The following DNAJB6 variants were observed in gnomAD, a reference collection of about 807,000 sequenced individuals.
The protein encoded by DNAJB6 is DnaJ heat shock protein family (Hsp40) member B6.
Under a neutral mutation model 42.7 loss-of-function variants are expected in DNAJB6, and 16 were observed. That is an observed-to-expected ratio of 0.37 (90% CI 0.25 to 0.57). DNAJB6 has a LOEUF of 0.57. Ranked by LOEUF, DNAJB6 falls within the 20% of genes least tolerant of loss-of-function variation. DNAJB6 has a pLI of 0.74. For synonymous variants in DNAJB6, 170 were observed against 163.5 expected (o/e 1.04, Z -0.30); for missense variants, 347 against 416.8 (o/e 0.83, Z 1.46).
chr7:157,406,545 G>A (rs919586667), intron 8 of DNAJB6, among the ~76,000 whole-genome samples: 4 of 152,208 alleles, frequency 2.6e-5, no homozygotes, highest in African/African-American at 9.6e-5. Flanking sequence ...GGGTGTTGCC[G>A]GGACCTGGCC....
intron 1 of DNAJB6, among the ~76,000 whole-genome samples, chr7:157,339,511 A>T (rs1798233550): frequency 6.6e-6 from 1 of 151,444 alleles, no homozygotes; most frequent in Non-Finnish European, 1.5e-5. Context: ...CGTGTTAGCC[A>T]GGATGGTCTT....
chr7:157,365,721 A>G (rs111769642), intron 3 of DNAJB6, among the ~76,000 whole-genome samples: 216 of 152,274 alleles, frequency 1.4e-3, no homozygotes, highest in Middle Eastern at 3.4e-3. Flanking sequence ...CTTGAGTGCA[A>G]TGGTGCAATC....
chr7:157,386,685 C>A (rs1457934041), intron 8 of DNAJB6, among the ~76,000 whole-genome samples: 1 of 152,032 alleles, frequency 6.6e-6, no homozygotes, highest in Non-Finnish European at 1.5e-5. Context: ...GAGTTTGAGA[C>A]CAGCCTGACC....
intron 9 of DNAJB6, chr7:157,414,399 C>T (rs1008836158): frequency 1.3e-5 from 2 of 152,426 alleles, no homozygotes; most frequent in Middle Eastern, 3.4e-3. Context: ...GCATGCTCCT[C>T]GGGACGGAGA....
At chr7:157,393,545 A>ACCTC (rs1801446867) in intron 8 of DNAJB6, among the ~76,000 whole-genome samples, 1 of 152,080 alleles carries the variant, frequency 6.6e-6, no homozygotes, top group African/African-American at 2.4e-5. Flanking sequence ...AGAGAGGGTG[A>ACCTC]AGCTCCCGGC....
chr7:157,365,488 C>A (rs1799798524), intron 3 of DNAJB6, among the ~76,000 whole-genome samples: 1 of 152,178 alleles, frequency 6.6e-6, no homozygotes, highest in African/African-American at 2.4e-5. Flanking sequence ...TCCCACTTGC[C>A]TAGGCCCTGG....
intron 8 of DNAJB6, among the ~76,000 whole-genome samples, chr7:157,394,331 C>T (rs1801485161): frequency 6.6e-6 from 1 of 152,132 alleles, no homozygotes; most frequent in African/African-American, 2.4e-5. Context: ...GGATTTTTTT[C>T]TATCTTGCTT....
At chr7:157,340,998 G>GTGTGCGCGCGCGCGCGCT (rs67210462) in intron 1 of DNAJB6, among the ~76,000 whole-genome samples, 91 of 135,036 alleles carry the variant, frequency 6.7e-4, no homozygotes, top group African/African-American at 2.0e-3. Flanking sequence ...GTGTGTGTGT[G>GTGTGCGCGCGCGCGCGCT]CGCGCGCGCA....
intron 1 of DNAJB6, among the ~76,000 whole-genome samples, chr7:157,351,461 C>T (rs147255529): frequency 6.6e-6 from 1 of 151,494 alleles, no homozygotes; most frequent in African/African-American, 2.4e-5. Flanking sequence ...AACCCTGTCT[C>T]TACTAAAAAT....
chr7:157,416,215 C>T lies in DNAJB6; in HGVS notation c.*117C>T, dbSNP rs764933589. ...GTCAGGACTGTCTCGAGGCCACACT[C>T]GCTCGGCAGGATTATGCGATCACGG... On this transcript the variant is annotated 3_prime_UTR_variant, in exon 10 of 10. Coordinates refer to ENST00000262177, the MANE Select transcript of DNAJB6 (RefSeq NM_058246.4). 3.4e-5 allele frequency: 50 copies of T among 1,470,130 alleles called. No homozygotes were observed. In the African/African-American group the frequency reaches 5.0e-4, roughly 15 times the overall value. The allele number at this position is 1,470,130 out of a possible 1,614,324, so 91.1% of individuals were successfully genotyped here. A position where few individuals can be genotyped will look rare whatever the true frequency, so the allele number is the denominator to read the frequency against.
chr7:157,344,440 G>A (rs1475627032), intron 1 of DNAJB6, among the ~76,000 whole-genome samples: 1 of 151,760 alleles, frequency 6.6e-6, no homozygotes, highest in African/African-American at 2.4e-5. Context: ...TGGAACCAGG[G>A]AGGTGGAGGT....
rs1158109344 is a variant in DNAJB6 at position 157,340,127 on chromosome 7, A to G, written c.-27+2983A>G. 4 of 152,232 alleles carry G rather than the reference A, an allele frequency of 2.6e-5. No individual in the cohort carries two copies. The East Asian group carries it at 7.7e-4, about 29-fold the overall frequency. 9.4% of individuals were successfully genotyped at this position (152,232 alleles called of 1,614,324 possible). On this transcript the variant is annotated intron_variant, in intron 1 of 9. Transcript: ENST00000262177. ...ATAAGAGAATGTAATTAGCCTTTGT[A>G]TTTGTGAGTTGACGTTTTGACGGGA... is the stretch of plus-strand genomic sequence containing the variant.
At chr7:157,387,270 C>CAA (rs1181090041) in intron 8 of DNAJB6, among the ~76,000 whole-genome samples, 1 of 152,156 alleles carries the variant, frequency 6.6e-6, no homozygotes, top group African/African-American at 2.4e-5. Context: ...AGAAGAACAA[C>CAA]GAGTGATGTG....
intron 9 of DNAJB6, chr7:157,415,608 G>A (rs1309777413): frequency 2.0e-5 from 4 of 201,578 alleles, no homozygotes; most frequent in East Asian, 2.7e-4. Flanking sequence ...AGGTGCAGCC[G>A]TGTCCAGGGT....
rs576865041 is a variant in DNAJB6, at chr7:157,347,356, C to G, written c.-27+10212C>G. Among the ~76,000 whole-genome samples the G allele has an allele frequency of 2.6e-5, 4 of 152,278 alleles. No individual in the cohort carries two copies. The East Asian group carries it at 7.7e-4, about 29-fold the overall frequency. On this transcript the variant is annotated intron_variant, in intron 1 of 9. Transcript: ENST00000262177. ...GCCACGATACAGGCTAGCATGAGTT[C>G]TGGAGGCAAACTTGGATTCTTACTA...
intron 1 of DNAJB6, among the ~76,000 whole-genome samples, chr7:157,343,023 ACT>A (rs1348013348): frequency 3.4e-5 from 5 of 148,186 alleles, no homozygotes; most frequent in Non-Finnish European, 1.5e-5. Flanking sequence ...ACCAAGTCTC[ACT>A]CTGTCACTTA....
chr7:157,339,073 T>A (rs980611339), intron 1 of DNAJB6, among the ~76,000 whole-genome samples: 2 of 152,124 alleles, frequency 1.3e-5, no homozygotes, highest in African/African-American at 4.8e-5. Context: ...TGGGGAGTGT[T>A]GAATGTTGTG....
chr7:157,377,234 A>G (rs1272622188), intron 5 of DNAJB6, among the ~76,000 whole-genome samples: 3 of 152,132 alleles, frequency 2.0e-5, no homozygotes, highest in Admixed American at 6.5e-5. Flanking sequence ...ACAGATGCAC[A>G]TTTCCCCCAC....
Position 157,368,981 on chromosome 7 carries a change from G to A in DNAJB6, c.346+1498G>A, listed in dbSNP as rs1183755074. 3 of 343,678 alleles carry A rather than the reference G, an allele frequency of 8.7e-6. No homozygotes were observed. In the East Asian group the frequency reaches 2.4e-4, roughly 28 times the overall value. 21.3% of individuals were successfully genotyped at this position (343,678 alleles called of 1,614,324 possible). ...CTTTTGCATGGTGCAGTTCTTCAGT[G>A]TGTCTCAAATGGGGATTCAAAGAGG... On this transcript the variant is annotated intron_variant, in intron 5 of 9. Coordinates refer to ENST00000262177, the MANE Select transcript of DNAJB6 (RefSeq NM_058246.4).
Sources: gnomAD v4.1 joint callset for allele counts (sites outside exome capture counted in the v4.1 genomes callset) on GRCh38, gnomAD v4.1.1 for gene constraint, MANE v1.5 for transcripts, NCBI Gene and HGNC (gene_info 2026-07-23, HGNC 2026-07-21) for gene names.